Variants in OR56A3 observed in about 807,000 individuals in gnomAD.
The protein encoded by OR56A3 is olfactory receptor family 56 subfamily A member 3, also known as olfactory receptor 56A3.
OR56A3 carries 23 observed loss-of-function variants against 17.5 expected under a neutral mutation model. That is an observed-to-expected ratio of 1.32 (90% CI 0.95 to 1.87). The LOEUF is 1.87. Ranked by LOEUF, OR56A3 falls within the 40% of genes most tolerant of loss-of-function variation. The pLI is 0.00. For synonymous variants in OR56A3, 175 were observed against 150.6 expected (o/e 1.16, Z -1.19); for missense variants, 366 against 380.1 (o/e 0.96, Z 0.31).
the OR56A3 span, among the ~76,000 whole-genome samples, chr11:5,957,196 A>G: frequency 6.6e-6 from 1 of 152,180 alleles, no homozygotes; most frequent in African/African-American, 2.4e-5. Flanking sequence ...TTAGTGGCTT[A>G]TAGCACTTCT....
At position 5,948,515 on chromosome 11, in the gene OR56A3, T is replaced by C; in HGVS notation, c.*221T>C. ...CCTCTCTCGTTTTATTCCATGCTTA[T>C]AATCATATTTTGTCCAAAACACTGA... On this transcript the variant is annotated 3_prime_UTR_variant, in exon 3 of 3. Coordinates refer to ENST00000641160, the MANE Select transcript of OR56A3 (RefSeq NM_001003443.3). 1 of 502,750 alleles carries C rather than the reference T, an allele frequency of 2.0e-6. No individual in the cohort carries two copies. Among genetic ancestry groups the C allele is most frequent in the South Asian group, 3.6e-5 (1 of 27,898 alleles). The allele number at this position is 502,750 out of a possible 1,614,324, so 31.1% of individuals were successfully genotyped here. A position where few individuals can be genotyped will look rare whatever the true frequency, so the allele number is the denominator to read the frequency against.
the OR56A3 span, chr11:5,986,998 A>G: frequency 2.1e-5 from 31 of 1,465,708 alleles, no homozygotes; most frequent in South Asian, 3.1e-4. Context: ...AGAAGAATAA[A>G]GTGACTTCAA....
the OR56A3 span, among the ~76,000 whole-genome samples, chr11:6,017,643 C>CA: frequency 6.6e-6 from 1 of 151,732 alleles, no homozygotes; most frequent in East Asian, 1.9e-4. Flanking sequence ...GACACAAATC[C>CA]AAAAAAGGAG....
intron 2 of OR56A3, among the ~76,000 whole-genome samples, chr11:5,946,524 G>GA (rs1234582241): frequency 2.0e-5 from 3 of 152,188 alleles, no homozygotes; most frequent in Non-Finnish European, 4.4e-5. Flanking sequence ...CTTTAAAGGT[G>GA]AACTTCGTCA....
chr11:5,986,267 A>C, the OR56A3 span: 6 of 1,613,972 alleles, frequency 3.7e-6, no homozygotes, highest in Non-Finnish European at 5.1e-6. Flanking sequence ...ATCACAAGCA[A>C]GGCCATAGTC....
chr11:6,016,666 A>G, the OR56A3 span, among the ~76,000 whole-genome samples: 19 of 152,164 alleles, frequency 1.2e-4, no homozygotes, highest in Non-Finnish European at 1.9e-4. Context: ...GATTCCAATG[A>G]AAAAGAAATT....
At chr11:6,014,641 C>T in the OR56A3 span, among the ~76,000 whole-genome samples, 2 of 151,970 alleles carry the variant, frequency 1.3e-5, no homozygotes, top group African/African-American at 4.8e-5. Flanking sequence ...AACTTTGGAA[C>T]CGGGTAATGG....
At chr11:5,945,221 T>C (rs1377282235) in intron 2 of OR56A3, 139 bp downstream of exon 2, 4 of 152,210 alleles carry the variant, frequency 2.6e-5, no homozygotes, top group African/African-American at 9.7e-5. Context: ...AATTGTGTTT[T>C]GGGTAAAGTT....
chr11:5,975,270 A>G, the OR56A3 span, among the ~76,000 whole-genome samples: 1 of 152,128 alleles, frequency 6.6e-6, no homozygotes, highest in Non-Finnish European at 1.5e-5. Context: ...GGTTTGTCAC[A>G]TATGTATACA....
chr11:5,963,818 T>C, the OR56A3 span, among the ~76,000 whole-genome samples: 2 of 152,182 alleles, frequency 1.3e-5, no homozygotes, highest in Admixed American at 6.5e-5. Flanking sequence ...CACTCTTGAA[T>C]GCCAATAACT....
At chr11:5,993,883 C>T in the OR56A3 span, 4 of 518,944 alleles carry the variant, frequency 7.7e-6, no homozygotes, top group Admixed American at 2.2e-5. Context: ...CTTAATGTCT[C>T]AGAACTTTGG....
chr11:6,014,885 A>C, the OR56A3 span, among the ~76,000 whole-genome samples: 2 of 149,508 alleles, frequency 1.3e-5, no homozygotes, highest in African/African-American at 4.9e-5. Flanking sequence ...CTGTCCAGGA[A>C]TCTGTGGAAC....
chr11:6,015,017 G>GAAAAAAAAAAAAAAAAAA, the OR56A3 span, among the ~76,000 whole-genome samples: 1 of 39,546 alleles, frequency 2.5e-5, no homozygotes, highest in Non-Finnish European at 5.3e-5. Context: ...AAAAAAAAAT[G>GAAAAAAAAAAAAAAAAAA]ACCTGAAACT....
At chr11:5,980,855 A>G in the OR56A3 span, among the ~76,000 whole-genome samples, 1 of 152,094 alleles carries the variant, frequency 6.6e-6, no homozygotes, top group African/African-American at 2.4e-5. Context: ...AGGCAGGTCT[A>G]CTGGTAACAA....
chr11:6,016,062 G>A, the OR56A3 span, among the ~76,000 whole-genome samples: 100 of 152,250 alleles, frequency 6.6e-4, no homozygotes, highest in Non-Finnish European at 1.2e-3. Context: ...CCTAGTGAGA[G>A]GTGATTGAAT....
At chr11:5,993,119 G>A in the OR56A3 span, among the ~76,000 whole-genome samples, 2 of 152,134 alleles carry the variant, frequency 1.3e-5, no homozygotes, top group East Asian at 3.9e-4. Context: ...TGTGAAGCAG[G>A]AGGAAAGGGA....
At chr11:5,955,310 C>A (rs374218548), downstream of OR56A3, among the ~76,000 whole-genome samples, 1 of 152,152 alleles carries the variant, frequency 6.6e-6, no homozygotes, top group Non-Finnish European at 1.5e-5. Flanking sequence ...CCAAGACAAA[C>A]TTCCAACACT....
chr11:5,947,246 C>A, intron 2 of OR56A3, 65 bp from the exon 3 acceptor site: 3 of 1,131,268 alleles, frequency 2.7e-6, no homozygotes, highest in Non-Finnish European at 3.7e-6. Context: ...GTACCTATGA[C>A]AAACAAATTG....
the OR56A3 span, among the ~76,000 whole-genome samples, chr11:6,006,022 A>G: frequency 6.6e-6 from 1 of 152,350 alleles, no homozygotes; most frequent in Admixed American, 6.5e-5. Context: ...GATCTGAACA[A>G]AAGTAATAAC....
Sources: gnomAD v4.1 joint callset for allele counts (sites outside exome capture counted in the v4.1 genomes callset) on GRCh38, gnomAD v4.1.1 for gene constraint, MANE v1.5 for transcripts, NCBI Gene and HGNC (gene_info 2026-07-23, HGNC 2026-07-21) for gene names.